The following KDM4C variants were observed in gnomAD, a reference collection of about 807,000 sequenced individuals.
KDM4C encodes lysine demethylase 4C.
A neutral mutation model predicts 129.3 loss-of-function variants in KDM4C; 81 were observed. The ratio of observed to expected loss-of-function variants is 0.63; its 90% CI spans 0.52 to 0.75. The LOEUF is 0.75. Among genes scored for constraint, KDM4C ranks in the 30% least tolerant of loss-of-function variants. The probability of loss-of-function intolerance (pLI) is 0.00; values close to 1 mark genes in which losing one functional copy is unlikely to be tolerated. For missense variants in KDM4C, 1,457 were observed against 1,304.0 expected, an observed-to-expected ratio of 1.12 and a Z score of -1.81; for synonymous variants, 573 against 456.1, an observed-to-expected ratio of 1.26 and a Z score of -3.26.
chr9:6,832,235 G>T (rs1042300728), intron 4 of KDM4C, among the ~76,000 whole-genome samples: 5 of 150,282 alleles, frequency 3.3e-5, no homozygotes, highest in African/African-American at 1.2e-4. Context: ...AGCTACTCGG[G>T]AGGCTGAGGC....
At chr9:6,812,232 C>CA (rs113265335) in intron 3 of KDM4C, among the ~76,000 whole-genome samples, 226 of 96,164 alleles carry the variant, frequency 2.4e-3, no homozygotes, top group South Asian at 3.7e-3. Flanking sequence ...ACAAGACTCT[C>CA]AAAAAAAAAA....
chr9:6,781,952 G>A (rs1824438842), intron 1 of KDM4C, among the ~76,000 whole-genome samples: 3 of 151,810 alleles, frequency 2.0e-5, no homozygotes, highest in Admixed American at 2.0e-4. Context: ...AGCCTCCTCA[G>A]TAGCTGGGAT....
chr9:6,826,928 C>G (rs1050324249), intron 4 of KDM4C, among the ~76,000 whole-genome samples: 1 of 151,594 alleles, frequency 6.6e-6, no homozygotes, highest in Non-Finnish European at 1.5e-5. Flanking sequence ...ATGGTTTTCA[C>G]AGGTAGAGGA....
chr9:6,876,680 G>C lies in KDM4C; in HGVS notation c.630-3332G>C, dbSNP rs189760603. ...GTGCCGTGGTGTAGGGTTAGCAGGG[G>C]TGCTGTTGCAGAGAAGTCAGTGAGT... On this transcript the variant is annotated intron_variant, in intron 5 of 21. Coordinates refer to ENST00000381309, the MANE Select transcript of KDM4C (RefSeq NM_015061.6). Among the ~76,000 whole-genome samples, 701 of 152,310 alleles carry C rather than the reference G, an allele frequency of 4.6e-3. 2 individuals carry two copies. Among genetic ancestry groups the C allele is most frequent in the African/African-American group, 0.016 (670 of 41,560 alleles).
intron 4 of KDM4C, among the ~76,000 whole-genome samples, chr9:6,844,367 C>T (rs1407639101): frequency 6.6e-6 from 1 of 152,136 alleles, no homozygotes; most frequent in Non-Finnish European, 1.5e-5. Context: ...TTCACACACC[C>T]CGGGTTCTGA....
At chr9:6,871,278 T>C (rs1842790318) in intron 5 of KDM4C, among the ~76,000 whole-genome samples, 1 of 152,252 alleles carries the variant, frequency 6.6e-6, no homozygotes, top group Non-Finnish European at 1.5e-5. Flanking sequence ...TTGTGAAATG[T>C]TGGCCTAATC....
chr9:6,968,485 G>C (rs1831394136), intron 8 of KDM4C, among the ~76,000 whole-genome samples: 5 of 152,188 alleles, frequency 3.3e-5, no homozygotes, highest in Admixed American at 3.3e-4. Context: ...TCAGAGAGAG[G>C]ACGTCTGCTC....
At chr9:7,129,007 C>G (rs951811746) in intron 19 of KDM4C, among the ~76,000 whole-genome samples, 1 of 152,136 alleles carries the variant, frequency 6.6e-6, no homozygotes, top group Non-Finnish European at 1.5e-5. Flanking sequence ...AATCTCGTGA[C>G]TGAGAGGAGA....
At chr9:6,869,290 G>C (rs960290421) in intron 5 of KDM4C, among the ~76,000 whole-genome samples, 1 of 152,216 alleles carries the variant, frequency 6.6e-6, no homozygotes, top group African/African-American at 2.4e-5. Context: ...CTGAGCTCTA[G>C]CTGAGTTCCT....
At chr9:6,935,829 T>C (rs1294845782) in intron 8 of KDM4C, among the ~76,000 whole-genome samples, 1 of 152,170 alleles carries the variant, frequency 6.6e-6, no homozygotes, top group Admixed American at 6.5e-5. Flanking sequence ...GGAATTTTTC[T>C]TGATAGAAAA....
intron 17 of KDM4C, among the ~76,000 whole-genome samples, chr9:7,089,828 T>G (rs1351889689): frequency 6.6e-6 from 1 of 152,230 alleles, no homozygotes; most frequent in African/African-American, 2.4e-5. Context: ...GCTCGGCCTT[T>G]CCTTTGCTCA....
chr9:6,736,219 T>A (rs1301938041), intron 1 of KDM4C, among the ~76,000 whole-genome samples: 1 of 152,124 alleles, frequency 6.6e-6, no homozygotes, highest in Non-Finnish European at 1.5e-5. Flanking sequence ...ACTGGAAAAT[T>A]GCAACCTGAC....
chr9:7,009,216 T>C (rs1003458040), intron 12 of KDM4C, among the ~76,000 whole-genome samples: 20 of 152,086 alleles, frequency 1.3e-4, no homozygotes, highest in African/African-American at 3.6e-4. Flanking sequence ...GAACCAAACA[T>C]ATTCTGGAGG....
intron 1 of KDM4C, among the ~76,000 whole-genome samples, chr9:6,734,419 C>G (rs958904212): frequency 1.3e-5 from 2 of 151,828 alleles, no homozygotes; most frequent in Admixed American, 6.6e-5. Context: ...CTCAGCCTCC[C>G]GAGTAGCTGG....
intron 4 of KDM4C, 21 bp from the exon 5 acceptor site, chr9:6,849,486 T>A: frequency 6.6e-7 from 1 of 1,514,856 alleles, no homozygotes; most frequent in Non-Finnish European, 8.9e-7. Context: ...TTTCTCTCTC[T>A]TTTTTTCTCT....
intron 21 of KDM4C, 138 bp downstream of exon 21, chr9:7,170,028 T>G: frequency 6.5e-7 from 1 of 1,535,260 alleles, no homozygotes; most frequent in Non-Finnish European, 8.8e-7. Context: ...TTTTCCTTAG[T>G]GGAACCTATT....
At chr9:7,042,409 C>T (rs1828750204) in intron 15 of KDM4C, among the ~76,000 whole-genome samples, 1 of 151,902 alleles carries the variant, frequency 6.6e-6, no homozygotes, top group South Asian at 2.1e-4. Context: ...ATCATTACTT[C>T]GAAGGATAAA....
At chr9:7,036,060 G>A (rs1827593648) in intron 15 of KDM4C, among the ~76,000 whole-genome samples, 1 of 152,112 alleles carries the variant, frequency 6.6e-6, no homozygotes, top group Non-Finnish European at 1.5e-5. Context: ...CATTGAATCT[G>A]TAGATTGCCT....
chr9:7,030,801 C>G (rs1826596225), intron 15 of KDM4C, among the ~76,000 whole-genome samples: 1 of 152,038 alleles, frequency 6.6e-6, no homozygotes, highest in Non-Finnish European at 1.5e-5. Flanking sequence ...AAGCAGCTAT[C>G]CATTATACCA....
Sources: gnomAD v4.1 joint callset for allele counts (sites outside exome capture counted in the v4.1 genomes callset) on GRCh38, gnomAD v4.1.1 for gene constraint, MANE v1.5 for transcripts, NCBI Gene and HGNC (gene_info 2026-07-23, HGNC 2026-07-21) for gene names.